Variants in APBB3 observed in about 807,000 individuals in gnomAD.
APBB3 encodes amyloid beta precursor protein binding family B member 3, also known as amyloid-beta A4 precursor protein-binding family B member 3.
APBB3 carries 50 observed loss-of-function variants against 61.5 expected under a neutral mutation model. That is an observed-to-expected ratio of 0.81 (90% CI 0.65 to 1.03). The LOEUF is 1.03. Ranked by LOEUF, APBB3 falls within the 50% of genes least tolerant of loss-of-function variation. The probability of loss-of-function intolerance (pLI) is 0.00; values close to 1 mark genes in which losing one functional copy is unlikely to be tolerated. For missense variants in APBB3, 550 were observed against 637.4 expected, an observed-to-expected ratio of 0.86 and a Z score of 1.48; for synonymous variants, 235 against 233.0, an observed-to-expected ratio of 1.01 and a Z score of -0.08.
Position 140,560,629 on chromosome 5 carries a change from C to T in APBB3, c.1032+10G>A. 3 of 1,613,778 alleles carry T rather than the reference C, an allele frequency of 1.9e-6. No homozygotes were observed. Among genetic ancestry groups the T allele is most frequent in the Non-Finnish European group, 2.5e-6 (3 of 1,179,666 alleles). ...CCTCCAAAGCCCCCAACTTCACCCT[C>T]TTCTGGTACCTGAATGGGGTGTGCA... On this transcript the variant is annotated intron_variant, in intron 11 of 12. Transcript: ENST00000357560. This position sits in a 1 kb window ranked among gnomAD's most constrained non-coding sequence, Gnocchi z 5.1.
rs544270502 is a variant in APBB3 at position 140,562,740 on chromosome 5, C to A, written c.291-17G>T. 1 of 1,614,062 alleles carries A rather than the reference C, an allele frequency of 6.2e-7. No homozygotes were observed. Among genetic ancestry groups the A allele is most frequent in the Non-Finnish European group, 8.5e-7 (1 of 1,179,926 alleles). On this transcript the variant is annotated splice_polypyrimidine_tract_variant and intron_variant, in intron 3 of 12. Coordinates refer to ENST00000357560, the MANE Select transcript of APBB3 (RefSeq NM_133173.3). ...AGAGAGTTACTGAAACAGAGCAGAG[C>A]TGTTAAGAGGACCACATTTCCTACA... is the stretch of plus-strand genomic sequence containing the variant.
chr5:140,560,317 C>G lies in APBB3; in HGVS notation c.1220G>C (p.Cys407Ser), dbSNP rs924310420. Residue 407 changes from cysteine (C) to serine (S), a missense_variant, in exon 12 of 13, where the codon TGT becomes TCT. Physicochemically the swap from Cys to Ser is moderately radical, Grantham distance 112 (BLOSUM62 -1). Transcript: ENST00000357560. The surrounding 1 kb of genome is among the most constrained non-coding windows in gnomAD (Gnocchi z 5.1). Reference sequence around the variant, plus strand: ...CCATTCCCACCCATGACTCACCATACAGGCAGCCTGCACAGCTTCAGAGAG... The same window carrying G: ...CCATTCCCACCCATGACTCACCATAGAGGCAGCCTGCACAGCTTCAGAGAG... Reference protein sequence around the residue: ...GGLSEAVQAACMVQYQKCLVA... With the variant: ...GGLSEAVQAASMVQYQKCLVA... 3 of 1,609,350 alleles carry G rather than the reference C, an allele frequency of 1.9e-6. No homozygotes were observed. The highest frequency in any genetic ancestry group is 2.5e-6 in the Non-Finnish European group (3 of 1,179,130).
rs1669886405 is a variant in APBB3 at position 140,564,394 on chromosome 5, C to G, written c.-149G>C. ...CACAAATACGGGGCGGGACACGGGG[C>G]GGGACACGGGCCGGTCCCGGGGGAG... On this transcript the variant is annotated 5_prime_UTR_variant, in exon 1 of 13. Coordinates refer to ENST00000357560, the MANE Select transcript of APBB3 (RefSeq NM_133173.3). This position sits in a 1 kb window ranked among gnomAD's most constrained non-coding sequence, Gnocchi z 5.0. 1.9e-5 allele frequency: 16 copies of G among 846,304 alleles called. No individual in the cohort carries two copies. The highest frequency in any genetic ancestry group is 2.2e-5 in the Non-Finnish European group (12 of 550,790). The allele number at this position is 846,304 out of a possible 1,614,324, so 52.4% of individuals were successfully genotyped here. A position where few individuals can be genotyped will look rare whatever the true frequency, so the allele number is the denominator to read the frequency against.
intron 6 of APBB3, 96 bp downstream of exon 6, chr5:140,562,004 A>G: frequency 6.2e-7 from 1 of 1,612,684 alleles, no homozygotes; most frequent in Non-Finnish European, 8.5e-7. Context: ...ATCTGTGTCC[A>G]GGGGTTCAAG....
chr5:140,561,128 G>A (rs1304493296), intron 9 of APBB3, 27 bp from the exon 10 acceptor site: 3 of 1,613,280 alleles, frequency 1.9e-6, no homozygotes, highest in Non-Finnish European at 2.5e-6. Context: ...AAGTTGGCCT[G>A]GAAGCTCTTT....
rs751347268 is a variant in APBB3, at chr5:140,563,665, C to T, written c.219G>A (p.Thr73=). The T allele has an allele frequency of 5.0e-6, 8 of 1,614,182 alleles. No individual in the cohort carries two copies. The highest frequency in any genetic ancestry group is 2.7e-5 in the African/African-American group (2 of 75,052). ...LGDAEDPGTG[T]EGIWGLRPPK... Reference sequence around the variant, plus strand: ...GGGGCCGCAGTCCCCAGATCCCCTCCGTTCCCTGTAGAGTGGGAGTTAGTC... The same window carrying T: ...GGGGCCGCAGTCCCCAGATCCCCTCTGTTCCCTGTAGAGTGGGAGTTAGTC... The change falls in exon 3 of 13, where the codon ACG becomes ACA. Residue 73 remains threonine (T), a synonymous_variant. Transcript: ENST00000357560.
chr5:140,561,291 A>G lies in APBB3; in HGVS notation c.832+74T>C. ...AAATTTATCCACAGAAGTATTAAAT[A>G]ACCAGAAATCGCCCCCCCACAAAGC... On this transcript the variant is annotated intron_variant, in intron 9 of 12. Coordinates refer to ENST00000357560, the MANE Select transcript of APBB3 (RefSeq NM_133173.3). 3 of 1,557,354 alleles carry G rather than the reference A, an allele frequency of 1.9e-6. No homozygotes were observed. In the South Asian group the frequency reaches 3.3e-5, roughly 17 times the overall value.
At position 140,564,179 on chromosome 5, in the gene APBB3, G is replaced by A; in HGVS notation, c.49+18C>T. 2 of 1,613,906 alleles carry A rather than the reference G, an allele frequency of 1.2e-6. No individual in the cohort carries two copies. Among genetic ancestry groups the A allele is most frequent in the Non-Finnish European group, 1.7e-6 (2 of 1,179,974 alleles). ...TCCCTCAGCTCCTGGTCTTCCCACC[G>A]GGCCCCTCCGTGCACACCATCGCAG... On this transcript the variant is annotated intron_variant, in intron 1 of 12. Transcript: ENST00000357560. This position sits in a 1 kb window ranked among gnomAD's most constrained non-coding sequence, Gnocchi z 5.0.
Position 140,563,906 on chromosome 5 carries a change from C to T in APBB3, c.59G>A (p.Trp20Ter), listed in dbSNP as rs761240609. The T allele has an allele frequency of 1.9e-5, 30 of 1,613,460 alleles. No individual in the cohort carries two copies. The highest frequency in any genetic ancestry group is 2.3e-5 in the Non-Finnish European group (27 of 1,179,902). Residue 20 changes from tryptophan to a stop codon, truncating the protein, a stop_gained, in exon 2 of 13, where the codon TGG (tryptophan) becomes TAG (stop). Coordinates refer to ENST00000357560, the MANE Select transcript of APBB3 (RefSeq NM_133173.3). LOFTEE classifies it high-confidence loss of function. ...IILVNCDDDL[W>*]GDHSLEVEAG... is the part of the protein sequence containing the mutation. The stretch of plus-strand genomic sequence containing the variant: ...CTCCACCTCCAGACTGTGGTCCCCC[C>T]ACAAGTCATCTACAGGAACACCGGA...
At chr5:140,561,151 T>A (rs1423252775) in intron 9 of APBB3, 50 bp from the exon 10 acceptor site, 1 of 1,603,308 alleles carries the variant, frequency 6.2e-7, no homozygotes, top group South Asian at 1.1e-5. Flanking sequence ...ATTACCCTTT[T>A]CCCCACCCTT....
At chr5:140,559,157 C>T (rs989602065) in intron 12 of APBB3, among the ~76,000 whole-genome samples, 1 of 152,164 alleles carries the variant, frequency 6.6e-6, no homozygotes, top group African/African-American at 2.4e-5. Context: ...GCAGAAATGG[C>T]ATTCAAACCT....
Position 140,558,362 on chromosome 5 carries a change from A to ACAAGGACC in APBB3, c.*215_*222dup, listed in dbSNP as rs1754786849. On this transcript the variant is annotated 3_prime_UTR_variant, in exon 13 of 13. Transcript: ENST00000357560. ...CCAGGGTTGGACAGGGGCAAGGAAC[A>ACAAGGACC]CAAGGACCCAAGGAAAGGGGAGCCA... The ACAAGGACC allele has an allele frequency of 1.5e-6, 1 of 648,424 alleles. No individual in the cohort carries two copies. The highest frequency in any genetic ancestry group is 2.7e-6 in the Non-Finnish European group (1 of 364,166). The allele number at this position is 648,424 out of a possible 1,614,324, so 40.2% of individuals were successfully genotyped here.
chr5:140,563,669 C>A lies in APBB3; in HGVS notation c.215G>T (p.Gly72Val). 1.9e-6 allele frequency: 3 copies of A among 1,614,174 alleles called. No individual in the cohort carries two copies. Among genetic ancestry groups the A allele is most frequent in the Non-Finnish European group, 2.5e-6 (3 of 1,180,028 alleles). Residue 72 changes from glycine to valine, a missense_variant and splice_region_variant, in exon 3 of 13, where the codon GGA (glycine) becomes GTA (valine). Gly to Val is a moderately radical substitution (Grantham distance 109, BLOSUM62 -3). Around this residue, in one of 3 missense-constraint regions of APBB3, gnomAD observed 405 missense variants for 483.4 expected, o/e 0.84. Coordinates refer to ENST00000357560, the MANE Select transcript of APBB3 (RefSeq NM_133173.3). ...ELGDAEDPGT[G>V]TEGIWGLRPP... ...CCGCAGTCCCCAGATCCCCTCCGTT[C>A]CCTGTAGAGTGGGAGTTAGTCAGTT...
Position 140,560,547 on chromosome 5 carries a change from C to T in APBB3, c.1033-43G>A. 6.2e-7 allele frequency: 1 copy of T among 1,606,398 alleles called. No individual in the cohort carries two copies. Among genetic ancestry groups the T allele is most frequent in the African/African-American group, 1.3e-5 (1 of 74,844 alleles). ...AGTCACTAGAGGGCCAAGCACGGGC[C>T]AGACCCACTTAACTTTTCCGACAGC... On this transcript the variant is annotated intron_variant, in intron 11 of 12. Coordinates refer to ENST00000357560, the MANE Select transcript of APBB3 (RefSeq NM_133173.3). This position sits in a 1 kb window ranked among gnomAD's most constrained non-coding sequence, Gnocchi z 5.1.
At chr5:140,562,294 G>A (rs996930505) in intron 5 of APBB3, 59 bp downstream of exon 5, 15 of 1,611,196 alleles carry the variant, frequency 9.3e-6, no homozygotes, top group Non-Finnish European at 1.3e-5. Context: ...AGGAAATTCA[G>A]GGACAGCTAC....
Position 140,562,672 on chromosome 5 carries a change from T to G in APBB3, c.342A>C (p.Pro114=). Residue 114 remains proline, a synonymous_variant, in exon 4 of 13, where the codon CCA becomes CCC. Coordinates refer to ENST00000357560, the MANE Select transcript of APBB3 (RefSeq NM_133173.3). ...GGESYIQSME[P]GAKCFAVRSL... is the part of the protein sequence containing the mutation. Reference sequence around the variant, plus strand: ...AGGCCCAAGTCACTACCTTAGCCCCTGGCTCCATGCTCTGGATGTAGGATT... The same window carrying G: ...AGGCCCAAGTCACTACCTTAGCCCCGGGCTCCATGCTCTGGATGTAGGATT... 1 of 1,614,214 alleles carries G rather than the reference T, an allele frequency of 6.2e-7. No homozygotes were observed. The highest frequency in any genetic ancestry group is 8.5e-7 in the Non-Finnish European group (1 of 1,180,034).
In APBB3 at chr5:140,560,773, C is replaced by T. The variant is rs200154423; in HGVS notation, c.917-19G>A. ...TCCATGCCTGGGGGAACATACCCAG[C>T]GTGTCTCCCAGTGTAAAAGAAAGAG... is the stretch of plus-strand genomic sequence containing the variant. On this transcript the variant is annotated intron_variant, in intron 10 of 12. Transcript: ENST00000357560. This position sits in a 1 kb window ranked among gnomAD's most constrained non-coding sequence, Gnocchi z 5.1. 2.4e-4 allele frequency: 377 copies of T among 1,602,624 alleles called. 1 individual carries two copies. The East Asian group carries it at 5.4e-3, about 23-fold the overall frequency.
Position 140,562,486 on chromosome 5 carries a change from C to A in APBB3, c.365G>T (p.Arg122Leu). The A allele has an allele frequency of 1.2e-6, 2 of 1,613,968 alleles. No individual in the cohort carries two copies. The highest frequency in any genetic ancestry group is 1.7e-6 in the Non-Finnish European group (2 of 1,179,946). Residue 122 changes from arginine to leucine, a missense_variant, in exon 5 of 13, where the codon CGC becomes CTC. Transcript: ENST00000357560. ...MEPGAKCFAV[R>L]SLGWVEVPEE... ...AGGTACCTCTACCCAGCCCAGAGAG[C>A]GGACTGCAAAGCACTGACAGGTTGG... is the stretch of plus-strand genomic sequence containing the variant.
chr5:140,561,396 G>T lies in APBB3; in HGVS notation c.801C>A (p.Asp267Glu). ...GTGGCAGGTCTTCAGGAGAGATGGG[G>T]TCTGGGGAGCAGCAAGAGGCATCAC... ...VSGDASCCSPDPISPEDLPRQ... is the reference protein window; with the variant it reads ...VSGDASCCSPEPISPEDLPRQ... Residue 267 changes from aspartate (D) to glutamate (E), a missense_variant, in exon 9 of 13, where the codon GAC becomes GAA. By Grantham distance (45) the Asp-to-Glu change is conservative. Around this residue, in one of 3 missense-constraint regions of APBB3, gnomAD observed 405 missense variants for 483.4 expected, o/e 0.84. Coordinates refer to ENST00000357560, the MANE Select transcript of APBB3 (RefSeq NM_133173.3). 15 of 1,614,232 alleles carry T rather than the reference G, an allele frequency of 9.3e-6. No homozygotes were observed. Among genetic ancestry groups the T allele is most frequent in the Non-Finnish European group, 1.3e-5 (15 of 1,180,052 alleles).
Sources: allele counts gnomAD v4.1 joint callset (sites outside exome capture counted in the v4.1 genomes callset), GRCh38; gene constraint gnomAD v4.1.1; regional missense constraint gnomAD v4.1.1; non-coding constraint Gnocchi (gnomAD v3.1); transcripts MANE v1.5; gene names NCBI Gene and HGNC (gene_info 2026-07-23, HGNC 2026-07-21).